Variants in TPPP observed in about 807,000 individuals in gnomAD.
TPPP encodes tubulin polymerization-promoting protein.
A neutral mutation model predicts 15.5 loss-of-function variants in TPPP; 6 were observed. That is an observed-to-expected ratio of 0.39 (90% CI 0.21 to 0.77). TPPP has a LOEUF of 0.77. TPPP is among the 30% of genes least tolerant of loss of function. TPPP has a pLI of 0.42. For synonymous variants in TPPP, 146 were observed against 133.9 expected (o/e 1.09, Z -0.63); for missense variants, 269 against 307.2 (o/e 0.88, Z 0.93).
At chr5:676,195 A>C (rs1740424839) in intron 2 of TPPP, 1 of 152,192 alleles carries the variant, frequency 6.6e-6, no homozygotes, top group African/African-American at 2.4e-5. Flanking sequence ...CAAACCCCAA[A>C]TGCCCTCGGA....
At chr5:669,618 C>T (rs971861343) in intron 2 of TPPP, among the ~76,000 whole-genome samples, 9 of 151,688 alleles carry the variant, frequency 5.9e-5, no homozygotes, top group African/African-American at 9.7e-5. Context: ...CCCTTTCTGA[C>T]GGCCTCGGAG....
chr5:665,966 TC>T lies in TPPP; in HGVS notation c.465+3del, dbSNP rs1411844924. Reference sequence around the variant, plus strand: ...GCCCCGCCTTCCATCCCCGCCCTGCTCACCGTCACCCCTGAGATGATGGGCG... The same window carrying T: ...GCCCCGCCTTCCATCCCCGCCCTGCTACCGTCACCCCTGAGATGATGGGCG... On this transcript the variant is annotated splice_donor_region_variant and intron_variant, in intron 3 of 3. Transcript: ENST00000360578. 8.0e-7 allele frequency: 1 copy of T among 1,250,122 alleles called. No individual in the cohort carries two copies. The highest frequency in any genetic ancestry group is 1.9e-5 in the African/African-American group (1 of 53,582). 77.4% of individuals were successfully genotyped at this position (1,250,122 alleles called of 1,614,324 possible).
chr5:667,700 T>TAAGA (rs1561081352), intron 2 of TPPP, among the ~76,000 whole-genome samples: 1 of 151,002 alleles, frequency 6.6e-6, no homozygotes, highest in Non-Finnish European at 1.5e-5. Flanking sequence ...AACTCAGCAG[T>TAAGA]AAGAAAAAAA....
intron 1 of TPPP, among the ~76,000 whole-genome samples, chr5:683,971 C>T (rs1051743041): frequency 6.6e-6 from 1 of 152,226 alleles, no homozygotes; most frequent in Non-Finnish European, 1.5e-5. Context: ...CCACCTCGGG[C>T]CGGCTGCCAT....
At chr5:697,192 C>T (rs1388064587), upstream of TPPP, among the ~76,000 whole-genome samples, 10 of 151,562 alleles carry the variant, frequency 6.6e-5, no homozygotes, top group African/African-American at 1.9e-4. Context: ...GCGACTCTGG[C>T]CCCCCTATCA....
chr5:688,960 G>A lies in TPPP; in HGVS notation c.-5+4318C>T, dbSNP rs1448425788. On this transcript the variant is annotated intron_variant, in intron 1 of 3. Coordinates refer to ENST00000360578, the MANE Select transcript of TPPP (RefSeq NM_007030.3). ...GGGGGAGGGGCTGGGTCAGGTCCCC[G>A]GGGCTGGCTGGGGCCTGGACATGGC... Among the ~76,000 whole-genome samples the A allele has an allele frequency of 9.2e-5, 10 of 108,166 alleles. 1 individual carries two copies. Among genetic ancestry groups the A allele is most frequent in the Non-Finnish European group, 1.6e-4 (7 of 44,584 alleles). 71.0% of individuals were successfully genotyped at this position (108,166 alleles called of 152,430 possible).
At chr5:670,749 G>A (rs1740192107) in intron 2 of TPPP, among the ~76,000 whole-genome samples, 2 of 152,178 alleles carry the variant, frequency 1.3e-5, no homozygotes, top group South Asian at 4.1e-4. Context: ...CCTCCCGCAA[G>A]CCCCAGCAAG....
intron 2 of TPPP, among the ~76,000 whole-genome samples, chr5:677,441 G>A (rs962694661): frequency 5.3e-5 from 8 of 152,180 alleles, no homozygotes; most frequent in Non-Finnish European, 1.2e-4. Flanking sequence ...AGTCTGCTCT[G>A]AGGCCAGACA....
chr5:695,545 C>T (rs1388143678), upstream of TPPP, among the ~76,000 whole-genome samples: 19 of 149,400 alleles, frequency 1.3e-4, no homozygotes, highest in African/African-American at 4.5e-4. Context: ...TTTCCTCTTA[C>T]GGCTTAGGAG....
intron 2 of TPPP, among the ~76,000 whole-genome samples, chr5:671,176 C>T (rs11949493): frequency 4.1e-4 from 63 of 152,172 alleles, no homozygotes; most frequent in African/African-American, 1.5e-3. Flanking sequence ...GCACTGTCTC[C>T]CTCTGGGCGC....
chr5:666,593 G>A (rs1272543191), intron 2 of TPPP, among the ~76,000 whole-genome samples: 1 of 152,224 alleles, frequency 6.6e-6, no homozygotes, highest in African/African-American at 2.4e-5. Flanking sequence ...CAGCATGGGC[G>A]CAGGCCCACG....
At chr5:668,266 CGGAGAGGGG>C (rs1740024330) in intron 2 of TPPP, among the ~76,000 whole-genome samples, 1 of 43,046 alleles carries the variant, frequency 2.3e-5, no homozygotes, top group African/African-American at 1.5e-4. Context: ...GACAAGCACA[CGGAGAGGGG>C]TCCGCGTGGG....
At chr5:698,238 T>C (rs34261580), upstream of TPPP, among the ~76,000 whole-genome samples, 6 of 151,994 alleles carry the variant, frequency 3.9e-5, no homozygotes, top group East Asian at 1.9e-4. Flanking sequence ...AAAGTATTCC[T>C]TCTAAGAACT....
intron 1 of TPPP, chr5:692,931 G>C (rs1740930941): frequency 1.1e-6 from 1 of 885,768 alleles, no homozygotes; most frequent in Non-Finnish European, 1.4e-6. Context: ...GGAGGGTCTG[G>C]AGGGAAGGGC....
chr5:665,905 C>T (rs1302236456), intron 3 of TPPP, 65 bp downstream of exon 3: 4 of 866,620 alleles, frequency 4.6e-6, no homozygotes, highest in Non-Finnish European at 6.1e-6. Context: ...CCCCAGGCAC[C>T]ACCCACCTTC....
intron 1 of TPPP, among the ~76,000 whole-genome samples, chr5:679,556 C>G (rs1740565474): frequency 6.6e-6 from 1 of 152,040 alleles, no homozygotes; most frequent in African/African-American, 2.4e-5. Context: ...CTGTGTTTCC[C>G]CTGGGCCTCT....
Position 666,015 on chromosome 5 carries a change from C to G in TPPP, c.420G>C (p.Val140=). The G allele has an allele frequency of 6.3e-7, 1 of 1,578,366 alleles. No individual in the cohort carries two copies. Among genetic ancestry groups the G allele is most frequent in the Non-Finnish European group, 8.6e-7 (1 of 1,160,688 alleles). ...GCGCCTTGCCCTCGATGAGCCTGTG[C>G]ACCTCGCGAACGGCCTCCTCGCTGC... ...DKSSEEAVRE[V]HRLIEGKAPI... The change falls in exon 3 of 4, where the codon GTG becomes GTC. Residue 140 remains valine (V), a synonymous_variant. Coordinates refer to ENST00000360578, the MANE Select transcript of TPPP (RefSeq NM_007030.3).
intron 1 of TPPP, among the ~76,000 whole-genome samples, chr5:686,992 C>T (rs865774788): frequency 7.1e-5 from 10 of 140,490 alleles, no homozygotes; most frequent in Middle Eastern, 3.5e-3. Flanking sequence ...CTCCAGCCCC[C>T]AGAACTGTGA....
At chr5:671,728 G>A (rs940589963) in intron 2 of TPPP, among the ~76,000 whole-genome samples, 1 of 152,242 alleles carries the variant, frequency 6.6e-6, no homozygotes, top group Non-Finnish European at 1.5e-5. Context: ...CCACTCTGCG[G>A]AAGCCACGTT....
Sources: gnomAD v4.1 joint callset for allele counts (sites outside exome capture counted in the v4.1 genomes callset) on GRCh38, gnomAD v4.1.1 for gene constraint, MANE v1.5 for transcripts, NCBI Gene and HGNC (gene_info 2026-07-23, HGNC 2026-07-21) for gene names.